The following IQCB1 variants were observed in gnomAD, a reference collection of about 807,000 sequenced individuals.
The protein encoded by IQCB1 is IQ calmodulin-binding motif-containing protein 1.
A neutral mutation model predicts 84.4 loss-of-function variants in IQCB1; 56 were observed. That is an observed-to-expected ratio of 0.66 (90% CI 0.54 to 0.83). The LOEUF is 0.83. IQCB1 is among the 40% of genes least tolerant of loss of function. The pLI, the probability that IQCB1 is intolerant of heterozygous loss-of-function variation, is 0.00. For synonymous variants in IQCB1, 210 were observed against 234.8 expected, an observed-to-expected ratio of 0.89 and a Z score of 0.96; for missense variants, 629 against 682.1, an observed-to-expected ratio of 0.92 and a Z score of 0.87.
In IQCB1 at chr3:121,772,658, C is replaced by G; in HGVS notation, c.1466G>C (p.Arg489Pro). Residue 489 changes from arginine (R) to proline (P), a missense_variant, in exon 14 of 15, where the codon CGA (arginine) becomes CCA (proline). Arg to Pro is a moderately radical substitution (Grantham distance 103). Transcript: ENST00000310864. ...CCTGCCCATAAAGTAGTGTTGCAGTCGTTCTTGAGCTTGGGCATGGAGCTC... is the reference window on the plus strand; with the variant it reads ...CCTGCCCATAAAGTAGTGTTGCAGTGGTTCTTGAGCTTGGGCATGGAGCTC... ...SRELHAQAQE[R>P]LQHYFMGRAL... 1 of 1,614,138 alleles carries G rather than the reference C, an allele frequency of 6.2e-7. No individual in the cohort carries two copies. The highest frequency in any genetic ancestry group is 8.5e-7 in the Non-Finnish European group (1 of 1,180,010).
intron 12 of IQCB1, among the ~76,000 whole-genome samples, chr3:121,787,900 G>A (rs932743115): frequency 6.6e-6 from 1 of 151,942 alleles, no homozygotes; most frequent in Non-Finnish European, 1.5e-5. Flanking sequence ...CATAAATTAG[G>A]GTATCTGATC....
At position 121,811,655 on chromosome 3, in the gene IQCB1, G is replaced by C. The variant is rs114319639; in HGVS notation, c.394-2646C>G. 5.8e-3 allele frequency among the ~76,000 whole-genome samples: 889 copies of C among 152,306 alleles called. 9 individuals are homozygous for C. The highest frequency in any genetic ancestry group is 0.02 in the African/African-American group (837 of 41,570). On this transcript the variant is annotated intron_variant, in intron 5 of 14. Transcript: ENST00000310864. The stretch of plus-strand genomic sequence containing the variant: ...CTCACAGTGTTAAGGAAGCCACTGG[G>C]AAGTTTGGACTGGGTGGAACTCACT...
At chr3:121,789,235 T>G (rs533618288) in intron 11 of IQCB1, among the ~76,000 whole-genome samples, 1 of 152,294 alleles carries the variant, frequency 6.6e-6, no homozygotes, top group East Asian at 1.9e-4. Context: ...TGGGTTAAAA[T>G]AAAGTAAAAT....
intron 5 of IQCB1, among the ~76,000 whole-genome samples, chr3:121,823,803 A>G (rs1183034561): frequency 6.6e-6 from 1 of 152,236 alleles, no homozygotes; most frequent in Non-Finnish European, 1.5e-5. Context: ...GTAGATATAA[A>G]AAAATCATTT....
At chr3:121,817,966 T>G (rs1202148638) in intron 5 of IQCB1, among the ~76,000 whole-genome samples, 1 of 152,136 alleles carries the variant, frequency 6.6e-6, no homozygotes, top group Non-Finnish European at 1.5e-5. Flanking sequence ...GTGGGCCCCA[T>G]GAGGAAGTGG....
chr3:121,772,768 C>A, intron 13 of IQCB1, 55 bp from the exon 14 acceptor site: 1 of 1,552,238 alleles, frequency 6.4e-7, no homozygotes. Flanking sequence ...TATCAAAGTA[C>A]CCAACCACTT....
Position 121,810,660 on chromosome 3 carries a change from T to C in IQCB1, c.394-1651A>G, listed in dbSNP as rs1949790778. Among the ~76,000 whole-genome samples the C allele has an allele frequency of 2.6e-5, 4 of 152,036 alleles. No individual in the cohort carries two copies. In the South Asian group the frequency reaches 8.3e-4, roughly 32 times the overall value. Reference sequence around the variant, plus strand: ...AATAGGAATATTAAATAAAGGTGCTTTGAAGAAAAGATAAAGCTTACATAA... The same window carrying C: ...AATAGGAATATTAAATAAAGGTGCTCTGAAGAAAAGATAAAGCTTACATAA... On this transcript the variant is annotated intron_variant, in intron 5 of 14. Transcript: ENST00000310864.
intron 13 of IQCB1, among the ~76,000 whole-genome samples, chr3:121,779,099 GTTTTT>G (rs1948370830): frequency 6.6e-6 from 1 of 151,290 alleles, no homozygotes; most frequent in Non-Finnish European, 1.5e-5. Flanking sequence ...ATTTTTTTTT[GTTTTT>G]AAGATTTTCA....
chr3:121,772,409 G>A, intron 14 of IQCB1, 148 bp downstream of exon 14: 5 of 748,806 alleles, frequency 6.7e-6, no homozygotes, highest in Non-Finnish European at 1.2e-5. Flanking sequence ...TGAAAACATT[G>A]TGTGCTGGTC....
rs199731977 is a variant in IQCB1, at chr3:121,833,633, T to TAC, written c.-13+756_-13+757dup. Among the ~76,000 whole-genome samples the TAC allele has an allele frequency of 6.1e-3, 928 of 152,284 alleles. 7 individuals carry two copies. The highest frequency in any genetic ancestry group is 0.01 in the Non-Finnish European group (711 of 68,012). On this transcript the variant is annotated intron_variant, in intron 2 of 14. Transcript: ENST00000310864. ...AGAAAAGTATGTTTATGTACATGTGTACACACACACAGATACAAAAAAATA... is the reference window on the plus strand; with the variant it reads ...AGAAAAGTATGTTTATGTACATGTGTACACACACACACAGATACAAAAAAATA...
chr3:121,781,785 A>C lies in IQCB1; in HGVS notation c.1368T>G (p.Val456=), dbSNP rs773593065. ...GLQELTDARR[V]ELKKRVDDYV... ...AGTCATCCACTCGTTTCTTCAGTTC[A>C]ACTCGGCGTGCATCAGTGAGTTCTT... Residue 456 remains valine (V), a synonymous_variant, in exon 13 of 15, where the codon GTT becomes GTG. Transcript: ENST00000310864. 5.4e-5 allele frequency: 87 copies of C among 1,613,742 alleles called. No individual in the cohort carries two copies. Among genetic ancestry groups the C allele is most frequent in the Non-Finnish European group, 7.0e-5 (83 of 1,179,822 alleles).
At chr3:121,810,179 A>C (rs1949770598) in intron 5 of IQCB1, among the ~76,000 whole-genome samples, 1 of 152,188 alleles carries the variant, frequency 6.6e-6, no homozygotes, top group Non-Finnish European at 1.5e-5. Flanking sequence ...GCAGGTTAAC[A>C]AAATTTACCT....
chr3:121,807,482 A>G, intron 6 of IQCB1, 39 bp from the exon 7 acceptor site: 1 of 1,010,588 alleles, frequency 9.9e-7, no homozygotes, highest in Non-Finnish European at 1.6e-6. Flanking sequence ...TAAAGTAAAG[A>G]TTTTATGATA....
intron 5 of IQCB1, among the ~76,000 whole-genome samples, chr3:121,817,945 C>A (rs1216880742): frequency 6.6e-6 from 1 of 152,142 alleles, no homozygotes; most frequent in Admixed American, 6.6e-5. Flanking sequence ...TGGCTGTCTG[C>A]AAGCCAGGAA....
At chr3:121,797,400 T>C (rs970949474) in intron 8 of IQCB1, among the ~76,000 whole-genome samples, 173 bp from the exon 9 acceptor site, 1 of 151,336 alleles carries the variant, frequency 6.6e-6, no homozygotes, top group African/African-American at 2.4e-5. Flanking sequence ...TTGAAATCTT[T>C]AAGATATTCC....
intron 13 of IQCB1, among the ~76,000 whole-genome samples, chr3:121,775,391 G>A (rs1320169871): frequency 1.3e-5 from 2 of 152,200 alleles, no homozygotes; most frequent in African/African-American, 4.8e-5. Flanking sequence ...ACCAAACACT[G>A]CATGTTCTCA....
intron 5 of IQCB1, among the ~76,000 whole-genome samples, chr3:121,811,998 A>G (rs1949849191): frequency 6.6e-6 from 1 of 152,204 alleles, no homozygotes; most frequent in African/African-American, 2.4e-5. Flanking sequence ...GTGCCTCCAG[A>G]CTGGGAGACA....
At chr3:121,778,560 C>A (rs1237544740) in intron 13 of IQCB1, among the ~76,000 whole-genome samples, 1 of 150,268 alleles carries the variant, frequency 6.7e-6, no homozygotes, top group African/African-American at 2.5e-5. Flanking sequence ...TATTTTTTTG[C>A]CAGGTACAGA....
chr3:121,781,328 T>C (rs1948482745), intron 13 of IQCB1, among the ~76,000 whole-genome samples: 1 of 152,130 alleles, frequency 6.6e-6, no homozygotes, highest in Non-Finnish European at 1.5e-5. Flanking sequence ...AAGAGGCAAA[T>C]AGTCAAATGC....
Sources: allele counts gnomAD v4.1 joint callset (sites outside exome capture counted in the v4.1 genomes callset), GRCh38; gene constraint gnomAD v4.1.1; transcripts MANE v1.5; gene names NCBI Gene and HGNC (gene_info 2026-07-23, HGNC 2026-07-21).